Variants in KCNQ5 observed in about 807,000 individuals in gnomAD.
The protein encoded by KCNQ5 is potassium voltage-gated channel subfamily KQT member 5.
In KCNQ5, 30 loss-of-function variants were observed where a neutral mutation model predicts 98.2. That is an observed-to-expected ratio of 0.31 (90% confidence interval 0.23 to 0.41). The LOEUF is 0.41. Ranked by LOEUF, KCNQ5 falls within the 10% of genes least tolerant of loss-of-function variation. The pLI, the probability that KCNQ5 is intolerant of heterozygous loss-of-function variation, is 1.00. For synonymous variants in KCNQ5, 458 were observed against 449.4 expected, an observed-to-expected ratio of 1.02 and a Z score of -0.24; for missense variants, 835 against 1,182.5, an observed-to-expected ratio of 0.71 and a Z score of 4.31.
chr6:73,037,449 TC>T (rs1771487685), intron 2 of KCNQ5, among the ~76,000 whole-genome samples: 1 of 152,192 alleles, frequency 6.6e-6, no homozygotes, highest in African/African-American at 2.4e-5. Context: ...TTAGTCCAAA[TC>T]CCAAAAATAT....
intron 8 of KCNQ5, among the ~76,000 whole-genome samples, chr6:73,121,443 C>T (rs1273949517): frequency 6.6e-6 from 1 of 152,106 alleles, no homozygotes; most frequent in African/African-American, 2.4e-5. Flanking sequence ...AAGAAGTCCT[C>T]ATTGAAATAC....
chr6:72,855,778 A>G (rs1337411098), intron 1 of KCNQ5, among the ~76,000 whole-genome samples: 1 of 152,210 alleles, frequency 6.6e-6, no homozygotes, highest in Non-Finnish European at 1.5e-5. Context: ...TTCACCATGC[A>G]GATTTCACCC....
chr6:73,194,293 A>C (rs1038118817), intron 13 of KCNQ5, among the ~76,000 whole-genome samples, 159 bp from the exon 14 acceptor site: 1 of 152,210 alleles, frequency 6.6e-6, no homozygotes, highest in African/African-American at 2.4e-5. Flanking sequence ...ATCATTGCTA[A>C]ATGTTACATT....
intron 1 of KCNQ5, among the ~76,000 whole-genome samples, chr6:72,982,558 T>C (rs1768522354): frequency 6.9e-6 from 1 of 143,932 alleles, no homozygotes; most frequent in Non-Finnish European, 1.5e-5. Flanking sequence ...ATCTTGAGCC[T>C]ATGTGTGTCT....
At chr6:72,847,338 T>C (rs1777062700) in intron 1 of KCNQ5, among the ~76,000 whole-genome samples, 1 of 152,132 alleles carries the variant, frequency 6.6e-6, no homozygotes, top group South Asian at 2.1e-4. Flanking sequence ...TAATTTTGTA[T>C]TTTTAGTAAA....
chr6:72,962,200 T>TATATATATATATACACAC (rs1449731738), intron 1 of KCNQ5, among the ~76,000 whole-genome samples: 11 of 99,960 alleles, frequency 1.1e-4, no homozygotes, highest in African/African-American at 3.7e-4. Context: ...TATATATATA[T>TATATATATATATACACAC]ACATATATAT....
intron 5 of KCNQ5, among the ~76,000 whole-genome samples, chr6:73,100,098 G>A (rs1414491899): frequency 6.6e-6 from 1 of 152,118 alleles, no homozygotes; most frequent in African/African-American, 2.4e-5. Context: ...ATGACCAATG[G>A]GTCAATGAAG....
chr6:72,714,661 T>G (rs1769549667), intron 1 of KCNQ5, among the ~76,000 whole-genome samples: 1 of 152,232 alleles, frequency 6.6e-6, no homozygotes, highest in South Asian at 2.1e-4. Flanking sequence ...TAAAGTGCTT[T>G]CACTGATGAC....
At chr6:72,863,661 C>T (rs1581920771) in intron 1 of KCNQ5, among the ~76,000 whole-genome samples, 1 of 152,264 alleles carries the variant, frequency 6.6e-6, no homozygotes, top group South Asian at 2.1e-4. Context: ...CAAGATTGGT[C>T]AGTTTCTACC....
intron 1 of KCNQ5, among the ~76,000 whole-genome samples, chr6:72,828,828 G>A (rs543614366): frequency 2.1e-4 from 32 of 152,200 alleles, no homozygotes; most frequent in African/African-American, 7.7e-4. Context: ...TAAAAGTGGT[G>A]AGAGTGGGCA....
intron 1 of KCNQ5, among the ~76,000 whole-genome samples, chr6:72,722,849 CT>C (rs539617196): frequency 2.4e-3 from 304 of 126,298 alleles, no homozygotes; most frequent in Middle Eastern, 8.3e-3. Context: ...GTTTGGTTGA[CT>C]TTTTTTTTTT....
chr6:73,021,235 G>A (rs559224181), intron 2 of KCNQ5, among the ~76,000 whole-genome samples: 1 of 152,314 alleles, frequency 6.6e-6, no homozygotes, highest in South Asian at 2.1e-4. Context: ...CTCTGCTACA[G>A]TTGTTGGTTT....
intron 1 of KCNQ5, among the ~76,000 whole-genome samples, chr6:72,997,727 G>C (rs929725597): frequency 7.3e-6 from 1 of 136,498 alleles, no homozygotes; most frequent in African/African-American, 2.7e-5. Flanking sequence ...AGCTTGCAGT[G>C]AGCCGAGATT....
At chr6:72,857,679 T>G (rs1465868456) in intron 1 of KCNQ5, among the ~76,000 whole-genome samples, 1 of 152,194 alleles carries the variant, frequency 6.6e-6, no homozygotes, top group Non-Finnish European at 1.5e-5. Context: ...ATGGCAGCTT[T>G]GTTGACCCAG....
chr6:73,060,030 G>T (rs910025428), intron 3 of KCNQ5, among the ~76,000 whole-genome samples: 2 of 152,034 alleles, frequency 1.3e-5, no homozygotes, highest in African/African-American at 2.4e-5. Flanking sequence ...CTACTCCAAT[G>T]GAATAAAATA....
At chr6:72,855,574 CT>C (rs946951007) in intron 1 of KCNQ5, among the ~76,000 whole-genome samples, 19 of 152,200 alleles carry the variant, frequency 1.2e-4, no homozygotes, top group African/African-American at 4.1e-4. Flanking sequence ...TTTATTTATA[CT>C]GACAAGACAC....
intron 1 of KCNQ5, among the ~76,000 whole-genome samples, chr6:72,994,929 G>A (rs185341595): frequency 6.6e-6 from 1 of 152,214 alleles, no homozygotes; most frequent in Admixed American, 6.5e-5. Context: ...TTGAAAAAAT[G>A]TGATGAATGC....
intron 11 of KCNQ5, among the ~76,000 whole-genome samples, chr6:73,188,464 T>C (rs1253063400): frequency 6.6e-6 from 1 of 152,236 alleles, no homozygotes; most frequent in African/African-American, 2.4e-5. Context: ...ATTAGCTACT[T>C]TGAAGACAGC....
At chr6:72,905,332 G>A (rs1443944114) in intron 1 of KCNQ5, among the ~76,000 whole-genome samples, 1 of 152,110 alleles carries the variant, frequency 6.6e-6, no homozygotes, top group African/African-American at 2.4e-5. Context: ...TCTAGTGCCT[G>A]CCTGATTAGC....
Sources: gnomAD v4.1 joint callset for allele counts (sites outside exome capture counted in the v4.1 genomes callset) on GRCh38, gnomAD v4.1.1 for gene constraint, MANE v1.5 for transcripts, NCBI Gene and HGNC (gene_info 2026-07-23, HGNC 2026-07-21) for gene names.